ITPRID1: variants seen among roughly 807,000 people sequenced by gnomAD.
The protein encoded by ITPRID1 is protein ITPRID1.
Under a neutral mutation model 95.4 loss-of-function variants are expected in ITPRID1, and 96 were observed. That is an observed-to-expected ratio of 1.01 (90% CI 0.85 to 1.19). The LOEUF (loss-of-function observed/expected upper bound fraction) is 1.19, where lower values mean the gene tolerates loss of function less well. Ranked by LOEUF, ITPRID1 falls within the 50% of genes most tolerant of loss-of-function variation. ITPRID1 has a pLI of 0.00. For missense variants in ITPRID1, 1,339 were observed against 1,252.9 expected (o/e 1.07, Z -1.04); for synonymous variants, 510 against 453.6 (o/e 1.12, Z -1.58).
At chr7:31,530,466 C>T (rs550260026) in intron 1 of ITPRID1, among the ~76,000 whole-genome samples, 9 of 152,156 alleles carry the variant, frequency 5.9e-5, no homozygotes, top group South Asian at 2.1e-4. Flanking sequence ...AGATCAATAG[C>T]GTATCTGGGG....
chr7:31,643,584 T>C lies in ITPRID1; in HGVS notation c.2214T>C (p.Thr738=), dbSNP rs962821285. The C allele has an allele frequency of 1.2e-6, 2 of 1,613,912 alleles. No homozygotes were observed. The highest frequency in any genetic ancestry group is 1.3e-5 in the African/African-American group (1 of 74,936). ...TGPRGTSLEC[T]VCDPVTATET... is the part of the protein sequence containing the mutation. ...CCAGAGGAACATCTTTAGAATGCAC[T>C]GTGTGTGATCCTGTTACCGCAACAG... is the stretch of plus-strand genomic sequence containing the variant. The change falls in exon 12 of 15, where the codon ACT becomes ACC. Residue 738 remains threonine (T), a synonymous_variant. Coordinates refer to ENST00000615280, the MANE Select transcript of ITPRID1 (RefSeq NM_001257967.3).
intron 10 of ITPRID1, among the ~76,000 whole-genome samples, chr7:31,602,063 TAGGCATAGA>T (rs1419638085): frequency 3.9e-5 from 6 of 152,232 alleles, no homozygotes; most frequent in African/African-American, 1.4e-4. Flanking sequence ...TCCTTGGCAG[TAGGCATAGA>T]CTTAATTTTA....
intron 1 of ITPRID1, among the ~76,000 whole-genome samples, chr7:31,521,468 G>A (rs1191923484): frequency 5.9e-5 from 9 of 152,232 alleles, no homozygotes; most frequent in African/African-American, 1.9e-4. Flanking sequence ...TTATTAAGGT[G>A]TATTGCATAA....
chr7:31,570,435 CTA>C (rs1349119279), intron 6 of ITPRID1, among the ~76,000 whole-genome samples: 1 of 152,194 alleles, frequency 6.6e-6, no homozygotes, highest in East Asian at 1.9e-4. Context: ...CTGGAATAGA[CTA>C]TGAGCTCTTT....
chr7:31,578,640 T>G (rs887070929), intron 9 of ITPRID1, among the ~76,000 whole-genome samples: 1 of 152,196 alleles, frequency 6.6e-6, no homozygotes, highest in Non-Finnish European at 1.5e-5. Flanking sequence ...CTTGCTCCAG[T>G]ATCTTTCCTT....
At chr7:31,609,608 C>T (rs1786777634) in intron 10 of ITPRID1, among the ~76,000 whole-genome samples, 1 of 151,458 alleles carries the variant, frequency 6.6e-6, no homozygotes, top group Admixed American at 6.6e-5. Flanking sequence ...GTATAATTGT[C>T]TTTTATTTCT....
intron 2 of ITPRID1, among the ~76,000 whole-genome samples, chr7:31,550,601 C>T (rs1193986191): frequency 6.6e-6 from 1 of 152,136 alleles, no homozygotes; most frequent in Non-Finnish European, 1.5e-5. Context: ...TTAGAAAATC[C>T]ATTTCCAGAA....
chr7:31,552,356 T>TC, intron 2 of ITPRID1, among the ~76,000 whole-genome samples: 2 of 102,598 alleles, frequency 1.9e-5, no homozygotes, highest in Non-Finnish European at 4.9e-5. Flanking sequence ...GTCTTCAATT[T>TC]ACCATAAAAT....
At position 31,573,703 on chromosome 7, in the gene ITPRID1, G is replaced by A. The variant is rs538496108; in HGVS notation, c.396-837G>A. 4.0e-5 allele frequency among the ~76,000 whole-genome samples: 6 copies of A among 151,530 alleles called. No individual in the cohort carries two copies. In the South Asian group the frequency reaches 1.0e-3, roughly 26 times the overall value. ...CATGAAAGACTCCCATAGTCTCCTG[G>A]GTTAGCTCAGTAACTTAGGCAAAGT... is the stretch of plus-strand genomic sequence containing the variant. On this transcript the variant is annotated intron_variant, in intron 7 of 14. Transcript: ENST00000615280.
intron 12 of ITPRID1, among the ~76,000 whole-genome samples, chr7:31,645,013 T>G (rs1790342973): frequency 6.6e-6 from 1 of 152,228 alleles, no homozygotes; most frequent in African/African-American, 2.4e-5. Flanking sequence ...CCATAAATAT[T>G]TGTTGGGCTC....
At chr7:31,632,798 C>T (rs544272942) in intron 10 of ITPRID1, among the ~76,000 whole-genome samples, 112 of 152,274 alleles carry the variant, frequency 7.4e-4, no homozygotes, top group Non-Finnish European at 1.4e-3. Flanking sequence ...TTCAAAAGTA[C>T]AAGACACAAA....
At chr7:31,615,916 G>A (rs559785297) in intron 10 of ITPRID1, among the ~76,000 whole-genome samples, 1 of 151,866 alleles carries the variant, frequency 6.6e-6, no homozygotes, top group African/African-American at 2.4e-5. Context: ...ACCACGCCTG[G>A]CTAATTTTTT....
At chr7:31,540,145 A>G (rs1006371683) in intron 1 of ITPRID1, among the ~76,000 whole-genome samples, 1 of 152,084 alleles carries the variant, frequency 6.6e-6, no homozygotes, top group Non-Finnish European at 1.5e-5. Flanking sequence ...GGGGATGGAG[A>G]GTTTTCTGGT....
chr7:31,516,119 T>C (rs1489830189), intron 1 of ITPRID1, among the ~76,000 whole-genome samples: 2 of 152,148 alleles, frequency 1.3e-5, no homozygotes, highest in East Asian at 3.8e-4. Flanking sequence ...TTTCAGTGAA[T>C]CACAGAGACA....
chr7:31,533,292 C>G (rs181141125), intron 1 of ITPRID1, among the ~76,000 whole-genome samples: 1 of 152,006 alleles, frequency 6.6e-6, no homozygotes, highest in African/African-American at 2.4e-5. Context: ...AATGTATTGT[C>G]ATGAAGTTTC....
At chr7:31,593,234 A>C (rs1479025447) in intron 10 of ITPRID1, among the ~76,000 whole-genome samples, 1 of 152,016 alleles carries the variant, frequency 6.6e-6, no homozygotes, top group Non-Finnish European at 1.5e-5. Context: ...GAACCTGGGA[A>C]GTGGGGTTGC....
In ITPRID1 at chr7:31,627,824, T is replaced by C. The variant is rs145910680; in HGVS notation, c.1229-14352T>C. Among the ~76,000 whole-genome samples, 797 of 152,234 alleles carry C rather than the reference T, an allele frequency of 5.2e-3. 8 individuals are homozygous for C. Among genetic ancestry groups the C allele is most frequent in the African/African-American group, 0.019 (770 of 41,538 alleles). On this transcript the variant is annotated intron_variant, in intron 10 of 14. Coordinates refer to ENST00000615280, the MANE Select transcript of ITPRID1 (RefSeq NM_001257967.3). ...AACTTCCTTTTTATTAAAAAGGAGA[T>C]TAATTGGAATTAAAATGAAAAGATA...
At position 31,654,188 on chromosome 7, in the gene ITPRID1, C is replaced by T. The variant is rs1439505289; in HGVS notation, c.*1359C>T. Among the ~76,000 whole-genome samples, 1 of 152,086 alleles carries T rather than the reference C, an allele frequency of 6.6e-6. No homozygotes were observed. The highest frequency in any genetic ancestry group is 2.4e-5 in the African/African-American group (1 of 41,408). On this transcript the variant is annotated 3_prime_UTR_variant, in exon 15 of 15. Coordinates refer to ENST00000615280, the MANE Select transcript of ITPRID1 (RefSeq NM_001257967.3). ...ATTCATCAGGGTGCCTGTGGAAGGC[C>T]TTGCTAAAGGGAAGGCTATTTGGGT...
rs549934148 is a variant in ITPRID1, at chr7:31,625,323, A to G, written c.1229-16853A>G. On this transcript the variant is annotated intron_variant, in intron 10 of 14. Transcript: ENST00000615280. ...TGCTGCTATAAAGACACATGCACTC[A>G]TATGTTTATTGCGGCACTATTCACA... is the stretch of plus-strand genomic sequence containing the variant. 1.4e-4 allele frequency among the ~76,000 whole-genome samples: 22 copies of G among 151,954 alleles called. No homozygotes were observed. The South Asian group carries it at 3.9e-3, about 27-fold the overall frequency.
Sources: allele counts gnomAD v4.1 joint callset (sites outside exome capture counted in the v4.1 genomes callset), GRCh38; gene constraint gnomAD v4.1.1; transcripts MANE v1.5; gene names NCBI Gene and HGNC (gene_info 2026-07-23, HGNC 2026-07-21).